Variants in MALT1 observed in about 807,000 individuals in gnomAD.
MALT1 encodes mucosa-associated lymphoid tissue lymphoma translocation protein 1.
A neutral mutation model predicts 85.5 loss-of-function variants in MALT1; 36 were observed. That is an observed-to-expected ratio of 0.42 (90% CI 0.32 to 0.56). The LOEUF is 0.56. Ranked by LOEUF, MALT1 falls within the 20% of genes least tolerant of loss-of-function variation. The pLI is 0.10. For missense variants in MALT1, 716 were observed against 981.6 expected (o/e 0.73, Z 3.62); for synonymous variants, 359 against 361.3 (o/e 0.99, Z 0.07).
At chr18:58,674,835 A>G (rs1359041652) in intron 1 of MALT1, among the ~76,000 whole-genome samples, 1 of 152,142 alleles carries the variant, frequency 6.6e-6, no homozygotes, top group Non-Finnish European at 1.5e-5. Flanking sequence ...GAATCTCGAA[A>G]TGTTGCCCAT....
chr18:58,695,538 C>T (rs1370748744), intron 2 of MALT1, among the ~76,000 whole-genome samples: 2 of 152,178 alleles, frequency 1.3e-5, no homozygotes, highest in Non-Finnish European at 2.9e-5. Context: ...CATTTCAATA[C>T]TAAATAATAA....
intron 2 of MALT1, 85 bp from the exon 3 acceptor site, chr18:58,696,281 T>C: frequency 9.3e-7 from 1 of 1,078,910 alleles, no homozygotes; most frequent in Non-Finnish European, 1.2e-6. Flanking sequence ...ATTTCTAAAA[T>C]GTTTCAATTT....
intron 15 of MALT1, among the ~76,000 whole-genome samples, chr18:58,744,780 T>C (rs2055345573): frequency 6.6e-6 from 1 of 152,172 alleles, no homozygotes; most frequent in African/African-American, 2.4e-5. Flanking sequence ...GCTATAAATA[T>C]GTCAAGAATA....
At chr18:58,712,823 A>C (rs1419883844) in intron 7 of MALT1, among the ~76,000 whole-genome samples, 1 of 152,192 alleles carries the variant, frequency 6.6e-6, no homozygotes, top group Non-Finnish European at 1.5e-5. Flanking sequence ...GAATGAAAAA[A>C]AGATACTTGA....
In MALT1 at chr18:58,743,398, A is replaced by G. The variant is rs1357268525; in HGVS notation, c.1754-940A>G. On this transcript the variant is annotated intron_variant, in intron 14 of 16. Transcript: ENST00000649217. Reference sequence around the variant, plus strand: ...TCTCAAAAAAAGAATTTATTCTCTAATACATATTTTTAGTAAATTAACATA... The same window carrying G: ...TCTCAAAAAAAGAATTTATTCTCTAGTACATATTTTTAGTAAATTAACATA... 2.6e-5 allele frequency among the ~76,000 whole-genome samples: 4 copies of G among 152,218 alleles called. No individual in the cohort carries two copies. In the South Asian group the frequency reaches 6.2e-4, roughly 24 times the overall value.
chr18:58,695,871 G>T (rs1311382294), intron 2 of MALT1, among the ~76,000 whole-genome samples: 1 of 152,218 alleles, frequency 6.6e-6, no homozygotes, highest in African/African-American at 2.4e-5. Flanking sequence ...GAATTTGGGG[G>T]CACATATTCA....
In MALT1 at chr18:58,750,982, A is replaced by C. The variant is rs2055438503; in HGVS notation, c.*3140A>C. The C allele has an allele frequency of 6.6e-6, 1 of 152,230 alleles. No homozygotes were observed. The highest frequency in any genetic ancestry group is 1.5e-5 in the Non-Finnish European group (1 of 68,048). The allele number at this position is 152,230 out of a possible 1,614,324, so 9.4% of individuals were successfully genotyped here. A position where few individuals can be genotyped will look rare whatever the true frequency, so the allele number is the denominator to read the frequency against. On this transcript the variant is annotated 3_prime_UTR_variant, in exon 17 of 17. Transcript: ENST00000649217. ...TGAAAAATCATGTATCTGATAAAAA[A>C]ACAAACAAACATGCAGGTGCTCAGC...
At chr18:58,712,792 A>T (rs1263738866) in intron 7 of MALT1, among the ~76,000 whole-genome samples, 1 of 152,176 alleles carries the variant, frequency 6.6e-6, no homozygotes, top group Non-Finnish European at 1.5e-5. Context: ...TATCCCATAA[A>T]TATGTACGAT....
rs2055393085 is a variant in MALT1 at position 58,747,905 on chromosome 18, A to G, written c.*63A>G. 5 of 1,366,468 alleles carry G rather than the reference A, an allele frequency of 3.7e-6. No homozygotes were observed. The highest frequency in any genetic ancestry group is 1.0e-6 in the Non-Finnish European group (1 of 985,672). The allele number at this position is 1,366,468 out of a possible 1,614,324, so 84.6% of individuals were successfully genotyped here. On this transcript the variant is annotated 3_prime_UTR_variant, in exon 17 of 17. Transcript: ENST00000649217. ...CTGTGAAATAGTACTGCACTTACAT[A>G]AAGTGAGACATTGTGAAAAGGCAAA...
intron 13 of MALT1, among the ~76,000 whole-genome samples, chr18:58,736,891 A>G (rs2055228786): frequency 6.6e-6 from 1 of 152,202 alleles, no homozygotes; most frequent in South Asian, 2.1e-4. Context: ...ATACAGTTAA[A>G]TCTAGCCCTT....
In MALT1 at chr18:58,681,165, T is replaced by C. The variant is rs774420660; in HGVS notation, c.210-5T>C. ...GTTGACTTGAATTCTTTCTGTTGCT[T>C]TCAGTTGCCTAGACCTGGAGCAGTG... On this transcript the variant is annotated splice_region_variant and splice_polypyrimidine_tract_variant and intron_variant, in intron 1 of 16. Coordinates refer to ENST00000649217, the MANE Select transcript of MALT1 (RefSeq NM_006785.4). The C allele has an allele frequency of 9.3e-6, 15 of 1,611,292 alleles. No homozygotes were observed. The East Asian group carries it at 3.3e-4, about 36-fold the overall frequency.
Position 58,708,946 on chromosome 18 carries a change from C to T in MALT1, c.650-432C>T, listed in dbSNP as rs80132194. ...ACCAATATTTATTCAGTGCGGGTTA[C>T]AAAACTTATTTCAGTATGTCAAAGA... is the stretch of plus-strand genomic sequence containing the variant. On this transcript the variant is annotated intron_variant, in intron 4 of 16. Coordinates refer to ENST00000649217, the MANE Select transcript of MALT1 (RefSeq NM_006785.4). 5.3e-5 allele frequency among the ~76,000 whole-genome samples: 8 copies of T among 152,278 alleles called. No individual in the cohort carries two copies. In the East Asian group the frequency reaches 1.5e-3, roughly 29 times the overall value.
At chr18:58,747,008 G>C (rs879919676) in intron 16 of MALT1, among the ~76,000 whole-genome samples, 5 of 152,176 alleles carry the variant, frequency 3.3e-5, no homozygotes, top group Admixed American at 1.3e-4. Flanking sequence ...GATTATAGGC[G>C]TGAGCCACCA....
At chr18:58,703,495 A>G (rs192024717) in intron 4 of MALT1, among the ~76,000 whole-genome samples, 1 of 152,356 alleles carries the variant, frequency 6.6e-6, no homozygotes, top group African/African-American at 2.4e-5. Context: ...ATTGACTCAC[A>G]GTTCTGCATG....
chr18:58,702,220 CAAAAAAAAA>C lies in MALT1; in HGVS notation c.649+1639_649+1647del, dbSNP rs11380709. Among the ~76,000 whole-genome samples the C allele has an allele frequency of 2.5e-4, 29 of 114,614 alleles. 1 individual carries two copies. In the South Asian group the frequency reaches 8.7e-3, roughly 35 times the overall value. The allele number at this position is 114,614 out of a possible 152,430, so 75.2% of individuals were successfully genotyped here. ...AAACCCTATCTCTACAAAAAAAATG[CAAAAAAAAA>C]AAAAAAAAATGGGGCCTGATGGTGC... On this transcript the variant is annotated intron_variant, in intron 4 of 16. Coordinates refer to ENST00000649217, the MANE Select transcript of MALT1 (RefSeq NM_006785.4).
At chr18:58,740,674 G>T (rs1221652841) in intron 13 of MALT1, among the ~76,000 whole-genome samples, 1 of 151,940 alleles carries the variant, frequency 6.6e-6, no homozygotes, top group East Asian at 1.9e-4. Flanking sequence ...TTTCATTATG[G>T]CCAAGTAAAA....
At chr18:58,742,069 A>C in intron 14 of MALT1, 55 bp downstream of exon 14, 5 of 1,345,088 alleles carry the variant, frequency 3.7e-6, no homozygotes, top group Non-Finnish European at 4.9e-6. Flanking sequence ...GTTAAATCAT[A>C]AAGTTTCTTC....
At chr18:58,692,923 C>T (rs933570505) in intron 2 of MALT1, among the ~76,000 whole-genome samples, 1 of 152,204 alleles carries the variant, frequency 6.6e-6, no homozygotes, top group Admixed American at 6.5e-5. Context: ...CCAGCCACAG[C>T]ATGCCCCTAA....
At chr18:58,708,162 G>A (rs8087510) in intron 4 of MALT1, among the ~76,000 whole-genome samples, 141,560 of 152,288 alleles carry the variant, frequency 0.93, 66,606 homozygotes, top group East Asian at 1. Flanking sequence ...CTGTTGTGCC[G>A]TCAGCCTTCA....
Sources: gnomAD v4.1 joint callset for allele counts (sites outside exome capture counted in the v4.1 genomes callset) on GRCh38, gnomAD v4.1.1 for gene constraint, MANE v1.5 for transcripts, NCBI Gene and HGNC (gene_info 2026-07-23, HGNC 2026-07-21) for gene names.